CPXM2: variants seen among roughly 807,000 people sequenced by gnomAD.
CPXM2 encodes the protein carboxypeptidase X, M14 family member 2, also known as inactive carboxypeptidase-like protein X2.
In CPXM2, 66 loss-of-function variants were observed where a neutral mutation model predicts 86.1. That is an observed-to-expected ratio of 0.77 (90% CI 0.63 to 0.94). CPXM2 has a LOEUF of 0.94. Among genes scored for constraint, CPXM2 ranks in the 40% least tolerant of loss-of-function variants. CPXM2 has a pLI of 0.00. For missense variants in CPXM2, 948 were observed against 1,026.3 expected (o/e 0.92, Z 1.04); for synonymous variants, 388 against 400.2 (o/e 0.97, Z 0.36).
At chr10:123,854,629 T>C (rs1434112175) in intron 3 of CPXM2, among the ~76,000 whole-genome samples, 1 of 150,934 alleles carries the variant, frequency 6.6e-6, no homozygotes, top group African/African-American at 2.4e-5. Context: ...ACCCAAGTGA[T>C]GGCTCGGCTT....
intron 4 of CPXM2, among the ~76,000 whole-genome samples, chr10:123,819,219 G>A (rs1422928958): frequency 2.0e-5 from 3 of 152,124 alleles, no homozygotes; most frequent in Admixed American, 6.5e-5. Flanking sequence ...CATGGACTAC[G>A]GGAGATCCAT....
At chr10:123,849,823 C>A (rs1848565834) in intron 3 of CPXM2, among the ~76,000 whole-genome samples, 1 of 152,128 alleles carries the variant, frequency 6.6e-6, no homozygotes, top group Admixed American at 6.5e-5. Flanking sequence ...GTGTGCAAAT[C>A]CTAAGTGTGC....
At chr10:123,886,466 T>C (rs1200118319) in intron 1 of CPXM2, among the ~76,000 whole-genome samples, 2 of 152,196 alleles carry the variant, frequency 1.3e-5, no homozygotes. Context: ...TCTTTGGTTA[T>C]TTCCCCCTGC....
intron 10 of CPXM2, among the ~76,000 whole-genome samples, chr10:123,764,467 T>G (rs1846422508): frequency 6.6e-6 from 1 of 152,032 alleles, no homozygotes; most frequent in South Asian, 2.1e-4. Context: ...ATTTTTGCCC[T>G]TGCTTTTTAT....
In CPXM2 at chr10:123,757,375, C is replaced by T. The variant is rs948144241; in HGVS notation, c.1778-23G>A. The T allele has an allele frequency of 1.9e-6, 3 of 1,604,752 alleles. No individual in the cohort carries two copies. In the African/African-American group the frequency reaches 4.0e-5, roughly 21 times the overall value. ...GACCTGCCAAGCCAACCGGACAACA[C>T]TTTAACTGAACAATACTCAAAATGG... On this transcript the variant is annotated intron_variant, in intron 11 of 13. Coordinates refer to ENST00000241305, the MANE Select transcript of CPXM2 (RefSeq NM_198148.3).
At chr10:123,753,420 C>T (rs1358260752) in intron 13 of CPXM2, among the ~76,000 whole-genome samples, 1 of 152,200 alleles carries the variant, frequency 6.6e-6, no homozygotes, top group African/African-American at 2.4e-5. Flanking sequence ...CTGAGGGGCA[C>T]CTGCAGGGCA....
In CPXM2 at chr10:123,858,099, A is replaced by T. The variant is rs541040210; in HGVS notation, c.513+4515T>A. Among the ~76,000 whole-genome samples the T allele has an allele frequency of 9.2e-5, 14 of 152,368 alleles. No homozygotes were observed. In the South Asian group the frequency reaches 2.9e-3, roughly 32 times the overall value. On this transcript the variant is annotated intron_variant, in intron 3 of 13. Coordinates refer to ENST00000241305, the MANE Select transcript of CPXM2 (RefSeq NM_198148.3). ...GACCATTCACAGACTAGCAAAAGTC[A>T]CACATGAACCAATGCTGCTTCTGTG... is the stretch of plus-strand genomic sequence containing the variant.
chr10:123,930,361 T>A (rs1945657530), intron 2 of CPXM2, among the ~76,000 whole-genome samples: 1 of 152,264 alleles, frequency 6.6e-6, no homozygotes, highest in Admixed American at 6.5e-5. Context: ...GAGAAAAACA[T>A]ACTGGGGTGT....
At chr10:123,830,852 ATCTCTCTC>A (rs150171922) in intron 4 of CPXM2, among the ~76,000 whole-genome samples, 2 of 139,802 alleles carry the variant, frequency 1.4e-5, no homozygotes, top group Non-Finnish European at 3.1e-5. Flanking sequence ...GTATGCACTC[ATCTCTCTC>A]TCTCTCTCTC....
intron 4 of CPXM2, among the ~76,000 whole-genome samples, chr10:123,807,289 T>C (rs1238115609): frequency 6.6e-6 from 1 of 152,186 alleles, no homozygotes; most frequent in Admixed American, 6.5e-5. Context: ...GGAAATGTTC[T>C]GTCATTGCCA....
chr10:123,854,069 C>A (rs974503851), intron 3 of CPXM2, among the ~76,000 whole-genome samples: 1 of 151,670 alleles, frequency 6.6e-6, no homozygotes, highest in African/African-American at 2.4e-5. Context: ...TGATTCCCAA[C>A]CATGCACCTC....
chr10:123,747,789 G>A (rs1031708546), intron 13 of CPXM2, among the ~76,000 whole-genome samples: 11 of 152,024 alleles, frequency 7.2e-5, no homozygotes, highest in Non-Finnish European at 1.2e-4. Context: ...GGGTGTGGTG[G>A]TGGGTGCCTG....
chr10:123,889,800 TG>T (rs1945237873), intron 1 of CPXM2, among the ~76,000 whole-genome samples: 1 of 152,124 alleles, frequency 6.6e-6, no homozygotes, highest in South Asian at 2.1e-4. Context: ...ACTCCCAGTC[TG>T]GGGCTCTCTT....
At chr10:123,883,393 T>C (rs964109757) in intron 1 of CPXM2, among the ~76,000 whole-genome samples, 1 of 152,188 alleles carries the variant, frequency 6.6e-6, no homozygotes, top group East Asian at 1.9e-4. Context: ...CTCAGGTATG[T>C]CCTGGGATGA....
chr10:123,904,617 C>T (rs1945415711), intron 2 of CPXM2, among the ~76,000 whole-genome samples: 1 of 152,170 alleles, frequency 6.6e-6, no homozygotes, highest in African/African-American at 2.4e-5. Flanking sequence ...CAATGCTTGG[C>T]ATGGGGCGAG....
In CPXM2 at chr10:123,865,679, C is replaced by T. The variant is rs918610666; in HGVS notation, c.404-2956G>A. ...GGGTGCTGTTAGCAAAACAAGGGGA[C>T]GCCAAATTCACAACCGACATGGGGC... On this transcript the variant is annotated intron_variant, in intron 2 of 13. Transcript: ENST00000241305. This position sits in a 1 kb window ranked among gnomAD's most constrained non-coding sequence, Gnocchi z 4.7. Among the ~76,000 whole-genome samples the T allele has an allele frequency of 8.5e-5, 13 of 152,248 alleles. No homozygotes were observed. The highest frequency in any genetic ancestry group is 1.3e-4 in the Admixed American group (2 of 15,302).
chr10:123,837,441 T>C (rs1008638416), intron 4 of CPXM2, among the ~76,000 whole-genome samples: 2 of 152,306 alleles, frequency 1.3e-5, no homozygotes, highest in Admixed American at 6.5e-5. Context: ...AGAGTTAAAA[T>C]TGAAAAGATT....
intron 6 of CPXM2, among the ~76,000 whole-genome samples, chr10:123,783,886 A>ACTAATGATC (rs1305412404): frequency 2.0e-5 from 3 of 152,140 alleles, no homozygotes; most frequent in African/African-American, 7.2e-5. Flanking sequence ...TTCCTCTGCA[A>ACTAATGATC]CACCTTAGTT....
In CPXM2 at chr10:123,878,344, GC is replaced by G. The variant is rs571289821; in HGVS notation, c.403+1866del. Among the ~76,000 whole-genome samples the G allele has an allele frequency of 3.7e-3, 497 of 133,292 alleles. 1 individual carries two copies. Among genetic ancestry groups the G allele is most frequent in the African/African-American group, 0.013 (462 of 34,828 alleles). 87.4% of individuals were successfully genotyped at this position (133,292 alleles called of 152,430 possible). On this transcript the variant is annotated intron_variant, in intron 2 of 13. Coordinates refer to ENST00000241305, the MANE Select transcript of CPXM2 (RefSeq NM_198148.3). ...TTTTTTAGTAAAAGAAGTTTCACAG[GC>G]TAAAATCACGTATAGGGCATTCAAT... is the stretch of plus-strand genomic sequence containing the variant.
Sources: gnomAD v4.1 joint callset for allele counts (sites outside exome capture counted in the v4.1 genomes callset) on GRCh38, gnomAD v4.1.1 for gene constraint, Gnocchi (gnomAD v3.1) non-coding constraint, MANE v1.5 for transcripts, NCBI Gene and HGNC (gene_info 2026-07-23, HGNC 2026-07-21) for gene names.